Variants in MINDY4 observed in about 807,000 individuals in gnomAD.
MINDY4 encodes MINDY lysine 48 deubiquitinase 4.
A neutral mutation model predicts 87.0 loss-of-function variants in MINDY4; 68 were observed. The observed-to-expected ratio is 0.78, with a 90% CI of 0.64 to 0.96. MINDY4 has a LOEUF of 0.96. MINDY4 is among the 40% of genes least tolerant of loss of function. The pLI, the probability that MINDY4 is intolerant of heterozygous loss-of-function variation, is 0.00. For missense variants in MINDY4, 919 were observed against 928.2 expected (o/e 0.99, Z 0.13); for synonymous variants, 379 against 363.2 (o/e 1.04, Z -0.50).
intron 6 of MINDY4, 64 bp from the exon 7 acceptor site, chr7:30,836,594 G>C (rs1788864816): frequency 7.7e-7 from 1 of 1,301,338 alleles, no homozygotes; most frequent in Admixed American, 1.8e-5. Flanking sequence ...GGTGTTCAGT[G>C]ACTTCATGTT....
At chr7:30,861,871 G>A (rs779056423) in intron 13 of MINDY4, among the ~76,000 whole-genome samples, 1 of 152,250 alleles carries the variant, frequency 6.6e-6, no homozygotes, top group Non-Finnish European at 1.5e-5. Context: ...TGGGGCTTCT[G>A]TGGTGACACT....
At position 30,872,439 on chromosome 7, in the gene MINDY4, CT is replaced by C. The variant is rs1790135791; in HGVS notation, c.1809+136del. On this transcript the variant is annotated intron_variant, in intron 14 of 17. Transcript: ENST00000265299. ...GCCTCTGCCAACACTCTTCAAGCAG[CT>C]TTCACGTGCCCACCTCTGCTGGGTT... 1.0e-5 allele frequency: 8 copies of C among 763,664 alleles called. No individual in the cohort carries two copies. In the South Asian group the frequency reaches 1.4e-4, roughly 13 times the overall value. The allele number at this position is 763,664 out of a possible 1,614,324, so 47.3% of individuals were successfully genotyped here.
At chr7:30,845,175 C>T (rs1383642390) in intron 9 of MINDY4, among the ~76,000 whole-genome samples, 1 of 152,176 alleles carries the variant, frequency 6.6e-6, no homozygotes, top group African/African-American at 2.4e-5. Context: ...GACACCCACA[C>T]AGACTCCTAG....
At position 30,831,551 on chromosome 7, in the gene MINDY4, C is replaced by T. The variant is rs112797702; in HGVS notation, c.1132+2814C>T. On this transcript the variant is annotated intron_variant, in intron 6 of 17. Coordinates refer to ENST00000265299, the MANE Select transcript of MINDY4 (RefSeq NM_032222.3). ...AGGCAGAGTGATCCAGAGGCTGGAC[C>T]GGCATGGTGGGTGAGAGAGGGTGGA... Among the ~76,000 whole-genome samples the T allele has an allele frequency of 1.5e-3, 234 of 152,222 alleles. 3 individuals carry two copies. The highest frequency in any genetic ancestry group is 5.2e-3 in the African/African-American group (215 of 41,528).
At chr7:30,833,299 T>C (rs1371996415) in intron 6 of MINDY4, among the ~76,000 whole-genome samples, 1 of 152,166 alleles carries the variant, frequency 6.6e-6, no homozygotes, top group East Asian at 1.9e-4. Context: ...CTCACAATCA[T>C]GGTGGAAGGC....
At chr7:30,852,325 G>A (rs1363605464) in intron 11 of MINDY4, 46 bp downstream of exon 11, 1 of 1,613,498 alleles carries the variant, frequency 6.2e-7, no homozygotes, top group African/African-American at 1.3e-5. Flanking sequence ...GCTTTGTTTG[G>A]GGACTGTCTC....
At position 30,892,385 on chromosome 7, in the gene MINDY4, C is replaced by A. The variant is rs552864351; in HGVS notation, c.*380C>A. 21 of 239,320 alleles carry A rather than the reference C, an allele frequency of 8.8e-5. No homozygotes were observed. The highest frequency in any genetic ancestry group is 3.6e-4 in the African/African-American group (16 of 44,948). The allele number at this position is 239,320 out of a possible 1,614,324, so 14.8% of individuals were successfully genotyped here. A position where few individuals can be genotyped will look rare whatever the true frequency, so the allele number is the denominator to read the frequency against. ...GGCTTTCTATAAAAATGGGTCAAAC[C>A]CATGTCAAGGGCCCAGGCTCATTTG... On this transcript the variant is annotated 3_prime_UTR_variant, in exon 18 of 18. Coordinates refer to ENST00000265299, the MANE Select transcript of MINDY4 (RefSeq NM_032222.3).
rs1787936926 is a variant in MINDY4, at chr7:30,810,092, C to G, written c.1073+18518C>G. On this transcript the variant is annotated intron_variant, in intron 5 of 17. Transcript: ENST00000265299. ...TCAGGAGGCTGAGGCAGGAGAATCG[C>G]TTGAACCTGGGAGGCGGAGGTTGTG... is the stretch of plus-strand genomic sequence containing the variant. Among the ~76,000 whole-genome samples, 3 of 141,556 alleles carry G rather than the reference C, an allele frequency of 2.1e-5. No individual in the cohort carries two copies. In the Admixed American group the frequency reaches 2.3e-4, roughly 11 times the overall value. The allele number at this position is 141,556 out of a possible 152,430, so 92.9% of individuals were successfully genotyped here.
chr7:30,881,737 C>T (rs921267748), intron 15 of MINDY4, among the ~76,000 whole-genome samples: 3 of 152,114 alleles, frequency 2.0e-5, no homozygotes, highest in Non-Finnish European at 2.9e-5. Context: ...GCAGGCTGTC[C>T]AACGGTAAGC....
At chr7:30,819,797 A>G (rs1406740971) in intron 5 of MINDY4, among the ~76,000 whole-genome samples, 2 of 151,778 alleles carry the variant, frequency 1.3e-5, no homozygotes, top group Non-Finnish European at 2.9e-5. Flanking sequence ...ATTTAGCTAC[A>G]TCACCTTTTA....
chr7:30,807,295 A>C (rs777363670), intron 5 of MINDY4, among the ~76,000 whole-genome samples: 1 of 152,174 alleles, frequency 6.6e-6, no homozygotes. Context: ...GCAGGTATCT[A>C]GGAATCAACC....
At chr7:30,778,216 C>G (rs1187805966) in intron 1 of MINDY4, among the ~76,000 whole-genome samples, 1 of 152,226 alleles carries the variant, frequency 6.6e-6, no homozygotes, top group Non-Finnish European at 1.5e-5. Flanking sequence ...GAACTCACTC[C>G]TTATCTGCGA....
At chr7:30,792,290 T>C (rs1482144565) in intron 5 of MINDY4, among the ~76,000 whole-genome samples, 1 of 152,240 alleles carries the variant, frequency 6.6e-6, no homozygotes, top group East Asian at 1.9e-4. Context: ...ATTTGACTTA[T>C]TAATATTTCG....
chr7:30,820,233 C>G (rs1788287349), intron 5 of MINDY4, among the ~76,000 whole-genome samples: 1 of 152,094 alleles, frequency 6.6e-6, no homozygotes, highest in South Asian at 2.1e-4. Flanking sequence ...CAATCTGTGT[C>G]TCTTTTAACT....
At chr7:30,836,528 A>G (rs913367817) in intron 6 of MINDY4, 130 bp from the exon 7 acceptor site, 2 of 746,796 alleles carry the variant, frequency 2.7e-6, no homozygotes, top group African/African-American at 1.7e-5. Context: ...GGGTGAATGA[A>G]TGCGGGGAGG....
chr7:30,824,060 T>A (rs973269319), intron 5 of MINDY4, among the ~76,000 whole-genome samples: 5 of 152,206 alleles, frequency 3.3e-5, no homozygotes, highest in Non-Finnish European at 5.9e-5. Flanking sequence ...AGCAAATGTC[T>A]TAGTCTGTTT....
intron 5 of MINDY4, among the ~76,000 whole-genome samples, chr7:30,795,072 G>T (rs377007335): frequency 6.6e-6 from 1 of 152,110 alleles, no homozygotes; most frequent in Non-Finnish European, 1.5e-5. Context: ...TTCTTTGGAG[G>T]CACCTCACTT....
intron 6 of MINDY4, among the ~76,000 whole-genome samples, chr7:30,833,303 G>A (rs1338875333): frequency 6.6e-6 from 1 of 152,214 alleles, no homozygotes; most frequent in Non-Finnish European, 1.5e-5. Context: ...CAATCATGGT[G>A]GAAGGCAAGG....
chr7:30,836,642 C>T lies in MINDY4; in HGVS notation c.1133-16C>T, dbSNP rs1375286103. 1.2e-6 allele frequency: 2 copies of T among 1,606,040 alleles called. No homozygotes were observed. Among genetic ancestry groups the T allele is most frequent in the African/African-American group, 2.7e-5 (2 of 74,740 alleles). On this transcript the variant is annotated splice_polypyrimidine_tract_variant and intron_variant, in intron 6 of 17. Transcript: ENST00000265299. ...AGTCATAACGAAGGGCTCACATGGC[C>T]ATGGTTTTCTTTCAGAGGATGTGGA... is the stretch of plus-strand genomic sequence containing the variant.
Sources: allele counts gnomAD v4.1 joint callset (sites outside exome capture counted in the v4.1 genomes callset), GRCh38; gene constraint gnomAD v4.1.1; transcripts MANE v1.5; gene names NCBI Gene and HGNC (gene_info 2026-07-23, HGNC 2026-07-21).